The following ADGRB3 variants were observed in gnomAD, a reference collection of about 807,000 sequenced individuals.
The protein encoded by ADGRB3 is adhesion G protein-coupled receptor B3.
ADGRB3 carries 37 observed loss-of-function variants against 193.4 expected under a neutral mutation model. The observed-to-expected ratio is 0.19, with a 90% CI of 0.15 to 0.25. The LOEUF (loss-of-function observed/expected upper bound fraction) is 0.25, where lower values mean the gene tolerates loss of function less well. Ranked by LOEUF, ADGRB3 falls within the 10% of genes least tolerant of loss-of-function variation. ADGRB3 has a pLI of 1.00. For synonymous variants in ADGRB3, 690 were observed against 644.2 expected (o/e 1.07, Z -1.08); for missense variants, 1,637 against 1,852.9 (o/e 0.88, Z 2.14).
At chr6:68,714,749 T>C (rs1198385685) in intron 3 of ADGRB3, among the ~76,000 whole-genome samples, 1 of 151,884 alleles carries the variant, frequency 6.6e-6, no homozygotes, top group Non-Finnish European at 1.5e-5. Context: ...ATTTTTATCT[T>C]AAAATATCTG....
At chr6:69,252,665 T>C (rs1454752167) in intron 20 of ADGRB3, among the ~76,000 whole-genome samples, 1 of 152,122 alleles carries the variant, frequency 6.6e-6, no homozygotes, top group Non-Finnish European at 1.5e-5. Context: ...GATGTGTCTG[T>C]TCAAGTCATT....
intron 20 of ADGRB3, among the ~76,000 whole-genome samples, chr6:69,243,199 C>G (rs1189287961): frequency 6.6e-6 from 1 of 151,810 alleles, no homozygotes; most frequent in Non-Finnish European, 1.5e-5. Context: ...CTCTCACAAG[C>G]TCACTACCAG....
intron 17 of ADGRB3, among the ~76,000 whole-genome samples, chr6:69,153,992 CAAAAAAAAAGAAACATAAGAATAA>C (rs1048950803): frequency 9.4e-5 from 14 of 148,944 alleles, no homozygotes; most frequent in African/African-American, 3.5e-4. Context: ...GACTCTGTCT[CAAAAAAAAAGAAACATAAGAATAA>C]AAGTGGAACT....
At chr6:69,333,677 C>A (rs1229938606) in intron 24 of ADGRB3, among the ~76,000 whole-genome samples, 1 of 150,842 alleles carries the variant, frequency 6.6e-6, no homozygotes, top group Non-Finnish European at 1.5e-5. Flanking sequence ...TGGCCGGGCA[C>A]GGTGGCTGAC....
intron 3 of ADGRB3, among the ~76,000 whole-genome samples, chr6:68,685,721 A>C (rs927271976): frequency 3.3e-5 from 5 of 151,954 alleles, no homozygotes; most frequent in Non-Finnish European, 5.9e-5. Flanking sequence ...TACTAAAAAA[A>C]ATACAAAAAA....
chr6:68,989,232 A>G (rs1156429298), intron 10 of ADGRB3, among the ~76,000 whole-genome samples: 2 of 152,180 alleles, frequency 1.3e-5, no homozygotes, highest in South Asian at 2.1e-4. Context: ...AAACTATAAT[A>G]TATTGTTTAA....
chr6:69,283,637 C>A (rs1334983484), intron 20 of ADGRB3, among the ~76,000 whole-genome samples: 1 of 150,886 alleles, frequency 6.6e-6, no homozygotes, highest in African/African-American at 2.4e-5. Context: ...CATTGGTTGG[C>A]TTATGGAAAA....
At chr6:69,291,289 C>G (rs924459692) in intron 20 of ADGRB3, among the ~76,000 whole-genome samples, 2 of 151,992 alleles carry the variant, frequency 1.3e-5, no homozygotes, top group Non-Finnish European at 2.9e-5. Context: ...TGAGCATGTA[C>G]TATATGACAG....
chr6:69,218,017 T>C (rs1383179287), intron 17 of ADGRB3, among the ~76,000 whole-genome samples: 1 of 139,092 alleles, frequency 7.2e-6, no homozygotes, highest in Non-Finnish European at 1.5e-5. Flanking sequence ...TATTTTTGCA[T>C]ATAACATTAA....
At chr6:69,293,201 T>A (rs1034117402) in intron 20 of ADGRB3, among the ~76,000 whole-genome samples, 33 of 152,200 alleles carry the variant, frequency 2.2e-4, no homozygotes, top group Admixed American at 6.5e-5. Context: ...TTTTCGATTT[T>A]TTTTTCTATT....
chr6:68,850,645 TCTC>T (rs1421266218), intron 3 of ADGRB3, among the ~76,000 whole-genome samples: 3 of 152,022 alleles, frequency 2.0e-5, no homozygotes, highest in Admixed American at 1.3e-4. Flanking sequence ...ACATGCATCT[TCTC>T]CTACGTTTGT....
chr6:69,291,685 G>A (rs1404041762), intron 20 of ADGRB3, among the ~76,000 whole-genome samples: 1 of 152,114 alleles, frequency 6.6e-6, no homozygotes, highest in Non-Finnish European at 1.5e-5. Flanking sequence ...TCTTCAATAA[G>A]GAGAGCCTGT....
chr6:69,308,983 A>G (rs1335262591), intron 20 of ADGRB3, among the ~76,000 whole-genome samples: 1 of 151,750 alleles, frequency 6.6e-6, no homozygotes, highest in Non-Finnish European at 1.5e-5. Context: ...ATGTGCCAAC[A>G]TCATATTTGT....
At chr6:69,105,944 C>T (rs1001458464) in intron 17 of ADGRB3, among the ~76,000 whole-genome samples, 1 of 151,896 alleles carries the variant, frequency 6.6e-6, no homozygotes, top group Non-Finnish European at 1.5e-5. Flanking sequence ...AGACCAGCCT[C>T]GCCAACATGG....
At chr6:68,890,849 C>G (rs1381080321) in intron 3 of ADGRB3, among the ~76,000 whole-genome samples, 1 of 152,092 alleles carries the variant, frequency 6.6e-6, no homozygotes, top group African/African-American at 2.4e-5. Context: ...TTATGACAAT[C>G]ATAGAGGGAG....
At chr6:69,209,082 C>A (rs1279705320) in intron 17 of ADGRB3, among the ~76,000 whole-genome samples, 1 of 152,192 alleles carries the variant, frequency 6.6e-6, no homozygotes, top group Admixed American at 6.5e-5. Flanking sequence ...CAAACAGCAT[C>A]CCTATCTGCC....
intron 3 of ADGRB3, among the ~76,000 whole-genome samples, chr6:68,926,197 A>G (rs750538266): frequency 1.3e-5 from 2 of 152,146 alleles, no homozygotes; most frequent in Non-Finnish European, 2.9e-5. Flanking sequence ...GTTATGTCCA[A>G]AGCAGGAGGT....
At chr6:69,128,195 T>C (rs1426946546) in intron 17 of ADGRB3, among the ~76,000 whole-genome samples, 1 of 152,184 alleles carries the variant, frequency 6.6e-6, no homozygotes, top group African/African-American at 2.4e-5. Context: ...CTCATCTTCT[T>C]ATGTTCACTG....
At chr6:69,269,300 G>C (rs550027305) in intron 20 of ADGRB3, among the ~76,000 whole-genome samples, 1 of 152,116 alleles carries the variant, frequency 6.6e-6, no homozygotes, top group Non-Finnish European at 1.5e-5. Flanking sequence ...AGACTTCATT[G>C]AAAACAGGTG....
Sources: gnomAD v4.1 joint callset for allele counts (sites outside exome capture counted in the v4.1 genomes callset) on GRCh38, gnomAD v4.1.1 for gene constraint, MANE v1.5 for transcripts, NCBI Gene and HGNC (gene_info 2026-07-23, HGNC 2026-07-21) for gene names.